The following DNAJC2 variants were observed in gnomAD, a reference collection of about 807,000 sequenced individuals.
The protein encoded by DNAJC2 is dnaJ homolog subfamily C member 2.
A neutral mutation model predicts 94.0 loss-of-function variants in DNAJC2; 32 were observed. The observed-to-expected ratio is 0.34, with a 90% CI of 0.26 to 0.46. DNAJC2 has a LOEUF of 0.46. Ranked by LOEUF, DNAJC2 falls within the 20% of genes least tolerant of loss-of-function variation. The pLI, the probability that DNAJC2 is intolerant of heterozygous loss-of-function variation, is 1.00. For synonymous variants in DNAJC2, 210 were observed against 229.7 expected (o/e 0.91, Z 0.77); for missense variants, 550 against 719.5 (o/e 0.76, Z 2.69).
Position 103,312,975 on chromosome 7 carries a change from G to T in DNAJC2, c.1763C>A (p.Thr588Lys). The T allele has an allele frequency of 6.2e-7, 1 of 1,613,816 alleles. No individual in the cohort carries two copies. Among genetic ancestry groups the T allele is most frequent in the Non-Finnish European group, 8.5e-7 (1 of 1,179,914 alleles). Residue 588 changes from threonine (T) to lysine (K), a missense_variant, in exon 16 of 17, where the codon ACA becomes AAA. This residue lies in a region of DNAJC2 where 271 missense variants were observed against 302.6 expected (regional missense o/e 0.90). Transcript: ENST00000379263. Reference protein sequence around the residue: ...EKIAEAVPGRTKKDCMKRYKE... With the variant: ...EKIAEAVPGRKKKDCMKRYKE... The stretch of plus-strand genomic sequence containing the variant: ...GTATCGTTTCATGCAGTCCTTCTTT[G>T]TCCTGCCAGGCACCGCTTCTGCTAT...
intron 15 of DNAJC2, 100 bp from the exon 16 acceptor site, chr7:103,313,201 G>A: frequency 6.8e-7 from 1 of 1,475,744 alleles, no homozygotes; most frequent in Non-Finnish European, 8.9e-7. Context: ...TTCAATCTGG[G>A]ATGTGTCATT....
Position 103,316,883 on chromosome 7 carries a change from A to ATCATC in DNAJC2, c.1369_1373dup (p.Asp458GlufsTer7). 6.2e-7 allele frequency: 1 copy of ATCATC among 1,613,974 alleles called. No homozygotes were observed. Among genetic ancestry groups the ATCATC allele is most frequent in the Non-Finnish European group, 8.5e-7 (1 of 1,179,978 alleles). On this transcript the variant is annotated frameshift_variant, in exon 13 of 17. Transcript: ENST00000379263. LOFTEE classifies it high-confidence loss of function. The stretch of plus-strand genomic sequence containing the variant: ...TCACAGCTTTAATTAGTAATTGTAG[A>ATCATC]TCATCTTCTGACCAATTTTTACTTC...
Position 103,322,010 on chromosome 7 carries a change from T to C in DNAJC2, c.1005A>G (p.Ala335=). 6.2e-7 allele frequency: 1 copy of C among 1,614,006 alleles called. No individual in the cohort carries two copies. Among genetic ancestry groups the C allele is most frequent in the Non-Finnish European group, 8.5e-7 (1 of 1,179,896 alleles). The change falls in exon 10 of 17, where the codon GCA becomes GCG. Residue 335 remains alanine (A), a synonymous_variant. Coordinates refer to ENST00000379263, the MANE Select transcript of DNAJC2 (RefSeq NM_014377.3). The part of the protein sequence containing the change: ...EKEEEEVRQQ[A]LLAKKEKDIQ... ...TATCTTTTTCCTTCTTTGCCAGCAATGCTTGCTGTCTGACTTCCTCCTCTT... is the reference window on the plus strand; with the variant it reads ...TATCTTTTTCCTTCTTTGCCAGCAACGCTTGCTGTCTGACTTCCTCCTCTT...
At chr7:103,313,219 T>A (rs1306684178) in intron 15 of DNAJC2, 118 bp from the exon 16 acceptor site, 1 of 1,462,132 alleles carries the variant, frequency 6.8e-7, no homozygotes, top group Non-Finnish European at 9.0e-7. Context: ...ATTTTGAAAA[T>A]AAACTTGTAG....
chr7:103,340,992 C>T (rs75519405), intron 2 of DNAJC2, among the ~76,000 whole-genome samples: 7,979 of 152,250 alleles, frequency 0.052, 289 homozygotes, highest in South Asian at 0.14. Context: ...GTCACTCAAG[C>T]GCTAATGCTG....
chr7:103,327,891 A>G (rs772675263), intron 3 of DNAJC2, 137 bp from the exon 4 acceptor site: 11 of 551,756 alleles, frequency 2.0e-5, no homozygotes, highest in Admixed American at 3.5e-5. Context: ...TGCTTATTCA[A>G]TGTGAAAATT....
intron 3 of DNAJC2, among the ~76,000 whole-genome samples, chr7:103,334,363 A>T (rs865784297): frequency 3.6e-4 from 54 of 151,538 alleles, no homozygotes; most frequent in African/African-American, 1.1e-3. Context: ...GGAGTTCGAG[A>T]CCAGCCTGGT....
chr7:103,326,373 A>G (rs530445242), intron 5 of DNAJC2, among the ~76,000 whole-genome samples, 170 bp downstream of exon 5: 2 of 152,346 alleles, frequency 1.3e-5, no homozygotes, highest in South Asian at 4.1e-4. Context: ...AAATGAGAAC[A>G]GTAAGTTCAC....
chr7:103,332,356 A>G (rs1014063649), intron 3 of DNAJC2, among the ~76,000 whole-genome samples: 19 of 152,244 alleles, frequency 1.2e-4, no homozygotes, highest in African/African-American at 4.6e-4. Context: ...TCATTATATT[A>G]ATAGGAATTG....
intron 3 of DNAJC2, chr7:103,335,677 T>C (rs971259538): frequency 1.1e-4 from 16 of 152,004 alleles, no homozygotes; most frequent in African/African-American, 3.9e-4. Flanking sequence ...TCCCAAGTAG[T>C]TGGGCTTACA....
At chr7:103,343,048 G>A (rs886079729) in intron 1 of DNAJC2, among the ~76,000 whole-genome samples, 2 of 151,848 alleles carry the variant, frequency 1.3e-5, no homozygotes, top group Admixed American at 6.6e-5. Flanking sequence ...TGTCCAGGCT[G>A]TAGTGCAATA....
At chr7:103,327,872 T>G (rs1334315386) in intron 3 of DNAJC2, 118 bp from the exon 4 acceptor site, 2 of 600,774 alleles carry the variant, frequency 3.3e-6, no homozygotes, top group African/African-American at 1.9e-5. Flanking sequence ...TCTCCCACAG[T>G]AAAATATATG....
rs766507352 is a variant in DNAJC2 at position 103,316,977 on chromosome 7, T to G, written c.1280A>C (p.Glu427Ala). Reference sequence around the variant, plus strand: ...TTGTCGCATACGAGCCTCAGCTTCCTCTTTCTCTTTTCTGATTTGCTCATT... The same window carrying G: ...TTGTCGCATACGAGCCTCAGCTTCCGCTTTCTCTTTTCTGATTTGCTCATT... The part of the protein sequence containing the change: ...EINEQIRKEK[E>A]EAEARMRQAS... The change falls in exon 13 of 17, where the codon GAG becomes GCG. Residue 427 changes from glutamate (E) to alanine (A), a missense_variant. By Grantham distance (107) the Glu-to-Ala change is moderately radical. Coordinates refer to ENST00000379263, the MANE Select transcript of DNAJC2 (RefSeq NM_014377.3). 1.2e-6 allele frequency: 2 copies of G among 1,613,858 alleles called. No individual in the cohort carries two copies. The highest frequency in any genetic ancestry group is 1.7e-6 in the Non-Finnish European group (2 of 1,180,004).
At chr7:103,313,244 T>C (rs1447612077) in intron 15 of DNAJC2, 143 bp from the exon 16 acceptor site, 4 of 1,408,240 alleles carry the variant, frequency 2.8e-6, no homozygotes, top group Non-Finnish European at 3.7e-6. Context: ...GAGAGATACA[T>C]ATAGCCCTCT....
intron 3 of DNAJC2, among the ~76,000 whole-genome samples, chr7:103,332,983 G>A (rs1819034343): frequency 6.6e-6 from 1 of 152,134 alleles, no homozygotes; most frequent in African/African-American, 2.4e-5. Flanking sequence ...GACCAAAAGT[G>A]TTCGGGATTT....
chr7:103,332,273 C>T (rs536356755), intron 3 of DNAJC2, among the ~76,000 whole-genome samples: 9 of 152,170 alleles, frequency 5.9e-5, no homozygotes, highest in East Asian at 1.9e-4. Context: ...CCAAAGTGCT[C>T]GGATTATAGG....
intron 3 of DNAJC2, among the ~76,000 whole-genome samples, chr7:103,331,024 T>C (rs1171276521): frequency 6.6e-6 from 1 of 151,906 alleles, no homozygotes; most frequent in East Asian, 1.9e-4. Flanking sequence ...AATGGCACAA[T>C]CTTGGCTCAC....
intron 3 of DNAJC2, among the ~76,000 whole-genome samples, chr7:103,334,943 C>A (rs959349849): frequency 6.6e-6 from 1 of 152,088 alleles, no homozygotes; most frequent in Non-Finnish European, 1.5e-5. Context: ...AAGCGGTTCT[C>A]GTGCCGCAGC....
chr7:103,334,260 C>T (rs995009943), intron 3 of DNAJC2, among the ~76,000 whole-genome samples: 5 of 150,670 alleles, frequency 3.3e-5, no homozygotes, highest in Non-Finnish European at 1.5e-5. Context: ...CTGTTGTGAA[C>T]GTTTTTGCAG....
Sources: allele counts gnomAD v4.1 joint callset (sites outside exome capture counted in the v4.1 genomes callset), GRCh38; gene constraint gnomAD v4.1.1; regional missense constraint gnomAD v4.1.1; transcripts MANE v1.5; gene names NCBI Gene and HGNC (gene_info 2026-07-23, HGNC 2026-07-21).